HSCB: variants seen among roughly 807,000 people sequenced by gnomAD.
HSCB encodes iron-sulfur cluster co-chaperone protein HscB.
Under a neutral mutation model 31.3 loss-of-function variants are expected in HSCB, and 23 were observed. The observed-to-expected ratio is 0.74, with a 90% CI of 0.53 to 1.04. The LOEUF is 1.04. HSCB is among the 50% of genes least tolerant of loss of function. HSCB has a pLI of 0.00. For synonymous variants in HSCB, 110 were observed against 104.5 expected, an observed-to-expected ratio of 1.05 and a Z score of -0.32; for missense variants, 297 against 288.1, an observed-to-expected ratio of 1.03 and a Z score of -0.22.
intron 4 of HSCB, among the ~76,000 whole-genome samples, chr22:28,749,887 C>T (rs2030095702): frequency 6.6e-6 from 1 of 152,108 alleles, no homozygotes; most frequent in South Asian, 2.1e-4. Flanking sequence ...ATTTCCTCAT[C>T]TGTACGTGGA....
intron 4 of HSCB, among the ~76,000 whole-genome samples, chr22:28,748,800 A>G (rs989647205): frequency 4.6e-5 from 7 of 152,150 alleles, no homozygotes; most frequent in African/African-American, 1.7e-4. Flanking sequence ...TACAGGTGTG[A>G]GCCACCAAGC....
At chr22:28,744,757 C>T (rs996252923) in intron 3 of HSCB, 53 bp downstream of exon 3, 31 of 1,344,410 alleles carry the variant, frequency 2.3e-5, no homozygotes, top group Non-Finnish European at 2.5e-5. Context: ...CCCATTATGG[C>T]GTAGGACAGC....
rs137920931 is a variant in HSCB, at chr22:28,744,681, C to G, written c.400C>G (p.Pro134Ala). ...TGATGCCTATAAGACCCTCCTGGCCCCCCTGAGCAGAGGACTGTACCTTGT... is the reference window on the plus strand; with the variant it reads ...TGATGCCTATAAGACCCTCCTGGCCGCCCTGAGCAGAGGACTGTACCTTGT... Reference protein sequence around the residue: ...VNDAYKTLLAPLSRGLYLLKL... With the variant: ...VNDAYKTLLAALSRGLYLLKL... The change falls in exon 3 of 6, where the codon CCC becomes GCC. Residue 134 changes from proline (P) to alanine (A), a missense_variant. By Grantham distance (27) the Pro-to-Ala change is conservative (BLOSUM62 -1). Transcript: ENST00000216027. 5.6e-6 allele frequency: 9 copies of G among 1,613,728 alleles called. No individual in the cohort carries two copies. The African/African-American group carries it at 1.1e-4, about 19-fold the overall frequency.
rs2054640372 is a variant in HSCB at position 28,743,968 on chromosome 22, A to G, written c.323A>G (p.Gln108Arg). 4 of 1,613,744 alleles carry G rather than the reference A, an allele frequency of 2.5e-6. No homozygotes were observed. Among genetic ancestry groups the G allele is most frequent in the Non-Finnish European group, 2.5e-6 (3 of 1,179,632 alleles). The change falls in exon 2 of 6, where the codon CAG (glutamine) becomes CGG (arginine). Residue 108 changes from glutamine to arginine, a missense_variant. Coordinates refer to ENST00000216027, the MANE Select transcript of HSCB (RefSeq NM_172002.5). Reference protein sequence around the residue: ...QRLVHPDFFSQRSQTEKDFSE... With the variant: ...QRLVHPDFFSRRSQTEKDFSE... The stretch of plus-strand genomic sequence containing the variant: ...CTTGTCCACCCAGATTTCTTCAGCC[A>G]GAGGTCTCAGGTAGCTTATTGGCCA...
At chr22:28,742,545 G>C (rs1338754687) in intron 1 of HSCB, 1 of 813,238 alleles carries the variant, frequency 1.2e-6, no homozygotes. Context: ...GTGGAGAAGG[G>C]AGACGAACGG....
Position 28,743,887 on chromosome 22 carries a change from G to A in HSCB, c.242G>A (p.Arg81His), listed in dbSNP as rs200812334. The change falls in exon 2 of 6, where the codon CGT (arginine) becomes CAT (histidine). Residue 81 changes from arginine to histidine, a missense_variant. Physicochemically the swap from Arg to His is conservative, Grantham distance 29. Transcript: ENST00000216027. ...RDYFSLMDCN[R>H]SFRVDTAKLQ... is the part of the protein sequence containing the mutation. ...ATCTCCCAATTTCCTTCCAGCAACC[G>A]TTCCTTCAGAGTTGATACAGCGAAG... The A allele has an allele frequency of 8.8e-5, 142 of 1,613,340 alleles. No homozygotes were observed. Among genetic ancestry groups the A allele is most frequent in the Non-Finnish European group, 1.1e-4 (127 of 1,179,580 alleles).
chr22:28,754,622 A>G (rs969240986), intron 5 of HSCB, among the ~76,000 whole-genome samples: 4 of 151,956 alleles, frequency 2.6e-5, no homozygotes, highest in African/African-American at 9.7e-5. Context: ...GTGAGCCAAG[A>G]TCATGCCACT....
At chr22:28,750,757 C>A (rs756481192) in intron 4 of HSCB, among the ~76,000 whole-genome samples, 17 of 152,194 alleles carry the variant, frequency 1.1e-4, no homozygotes, top group Admixed American at 7.2e-4. Flanking sequence ...TGTTTGGCAT[C>A]TTCTCCCTTA....
At chr22:28,756,642 ATTTTATT>A (rs573769910) in intron 5 of HSCB, among the ~76,000 whole-genome samples, 192 of 151,222 alleles carry the variant, frequency 1.3e-3, no homozygotes, top group African/African-American at 3.8e-3. Context: ...CTAATTTTTT[ATTTTATT>A]TTTTATTTTT....
chr22:28,753,121 G>A (rs1169971185), intron 5 of HSCB, among the ~76,000 whole-genome samples: 3 of 152,058 alleles, frequency 2.0e-5, no homozygotes, highest in Admixed American at 6.6e-5. Context: ...TATATAGGTC[G>A]GAAACTTGGG....
rs1404070046 is a variant in HSCB at position 28,742,230 on chromosome 22, C to A, written c.135C>A (p.Gly45=). The A allele has an allele frequency of 2.5e-6, 4 of 1,613,986 alleles. No homozygotes were observed. The Middle Eastern group carries it at 6.6e-4, about 266-fold the overall frequency. Residue 45 remains glycine (G), a synonymous_variant, in exon 1 of 6, where the codon GGC becomes GGA. Transcript: ENST00000216027. The part of the protein sequence containing the change: ...GSNYPRCWNC[G]GPWGPGREDR... ...ATTATCCCCGCTGTTGGAACTGCGG[C>A]GGCCCATGGGGCCCCGGGCGGGAGG...
chr22:28,746,898 CA>C (rs71194793), intron 4 of HSCB, among the ~76,000 whole-genome samples: 59,415 of 124,518 alleles, frequency 0.48, 12,706 homozygotes, highest in East Asian at 0.8. Context: ...GACTCCGTCT[CA>C]AAAAAAAAAA....
chr22:28,756,769 C>G (rs1168716302), intron 5 of HSCB, among the ~76,000 whole-genome samples: 1 of 152,094 alleles, frequency 6.6e-6, no homozygotes, highest in Non-Finnish European at 1.5e-5. Flanking sequence ...GCTGGGATAG[C>G]AGGTATGAGC....
rs2054582130 is a variant in HSCB, at chr22:28,742,343, G to T, written c.236+12G>T. The T allele has an allele frequency of 6.2e-7, 1 of 1,607,766 alleles. No homozygotes were observed. The highest frequency in any genetic ancestry group is 1.3e-5 in the African/African-American group (1 of 74,706). ...AGCCTTATGGACTGGTACGAGCGAC[G>T]GTTTCGGGAAACGGGCCCGGGCGAG... On this transcript the variant is annotated intron_variant, in intron 1 of 5. Transcript: ENST00000216027.
Position 28,742,191 on chromosome 22 carries a change from G to A in HSCB, c.96G>A (p.Ser32=), listed in dbSNP as rs771224035. The A allele has an allele frequency of 1.2e-6, 2 of 1,613,756 alleles. No homozygotes were observed. The highest frequency in any genetic ancestry group is 1.3e-5 in the African/African-American group (1 of 74,948). ...RRRPLSCDAA[S]QAGSNYPRCW... is the part of the protein sequence containing the mutation. ...GACCGCTAAGCTGCGATGCTGCGTC[G>A]CAGGCGGGAAGCAATTATCCCCGCT... Residue 32 remains serine, a synonymous_variant, in exon 1 of 6, where the codon TCG becomes TCA. Coordinates refer to ENST00000216027, the MANE Select transcript of HSCB (RefSeq NM_172002.5).
At position 28,742,271 on chromosome 22, in the gene HSCB, C is replaced by A. The variant is rs777041393; in HGVS notation, c.176C>A (p.Pro59Gln). The change falls in exon 1 of 6, where the codon CCA (proline) becomes CAA (glutamine). Residue 59 changes from proline to glutamine, a missense_variant. Pro to Gln is a moderately conservative substitution (Grantham distance 76). Transcript: ENST00000216027. ...GGGCGGGAGGACAGGTTCTTCTGCC[C>A]ACAGTGCCGAGCGCTGCAGGCACCT... Reference protein sequence around the residue: ...GPGREDRFFCPQCRALQAPDP... With the variant: ...GPGREDRFFCQQCRALQAPDP... 54 of 1,614,034 alleles carry A rather than the reference C, an allele frequency of 3.3e-5. No homozygotes were observed. The highest frequency in any genetic ancestry group is 4.3e-5 in the Non-Finnish European group (51 of 1,180,046).
chr22:28,751,318 T>C (rs1298233052), intron 5 of HSCB, 30 bp downstream of exon 5: 4 of 1,432,442 alleles, frequency 2.8e-6, no homozygotes, highest in Non-Finnish European at 2.9e-6. Flanking sequence ...TTCTTAAATA[T>C]GGAAAGAAAT....
intron 1 of HSCB, 119 bp downstream of exon 1, chr22:28,742,450 G>A: frequency 1.4e-6 from 2 of 1,457,824 alleles, no homozygotes; most frequent in Non-Finnish European, 1.8e-6. Flanking sequence ...GGGGGGCGGA[G>A]GTCTAGAGAG....
intron 1 of HSCB, 186 bp downstream of exon 1, chr22:28,742,517 G>A: frequency 9.4e-7 from 1 of 1,066,698 alleles, no homozygotes; most frequent in Non-Finnish European, 1.3e-6. Context: ...CGGGGACTGA[G>A]GGAAGCAACG....
Sources: gnomAD v4.1 joint callset for allele counts (sites outside exome capture counted in the v4.1 genomes callset) on GRCh38, gnomAD v4.1.1 for gene constraint, MANE v1.5 for transcripts, NCBI Gene and HGNC (gene_info 2026-07-23, HGNC 2026-07-21) for gene names.